Variants in SAMD12 observed in about 807,000 individuals in gnomAD.
SAMD12 encodes sterile alpha motif domain-containing protein 12.
SAMD12 carries 9 observed loss-of-function variants against 15.0 expected under a neutral mutation model. The observed-to-expected ratio is 0.60, with a 90% CI of 0.36 to 1.05. The LOEUF is 1.05. SAMD12 is among the 50% of genes least tolerant of loss of function. SAMD12 has a pLI of 0.01. For missense variants in SAMD12, 230 were observed against 234.2 expected (o/e 0.98, Z 0.12); for synonymous variants, 86 against 90.1 (o/e 0.96, Z 0.25).
chr8:118,237,428 C>T (rs1168024366), intron 4 of SAMD12, among the ~76,000 whole-genome samples: 1 of 152,088 alleles, frequency 6.6e-6, no homozygotes, highest in South Asian at 2.1e-4. Context: ...GGAGGAGATT[C>T]GAAGGAGCAA....
chr8:118,272,746 T>A (rs1813395817), intron 4 of SAMD12, among the ~76,000 whole-genome samples: 1 of 152,220 alleles, frequency 6.6e-6, no homozygotes, highest in African/African-American at 2.4e-5. Context: ...GAGTCATCTT[T>A]ACTCCTGTTC....
intron 4 of SAMD12, among the ~76,000 whole-genome samples, chr8:118,261,811 A>G (rs1196727687): frequency 2.0e-5 from 3 of 151,992 alleles, no homozygotes; most frequent in Admixed American, 6.6e-5. Context: ...CATTTTATGG[A>G]GCACAGAGCT....
At chr8:118,248,982 T>C (rs752601569) in intron 4 of SAMD12, among the ~76,000 whole-genome samples, 5 of 152,162 alleles carry the variant, frequency 3.3e-5, no homozygotes, top group African/African-American at 1.2e-4. Context: ...TGTAGAGTCA[T>C]TGATCCCCCA....
intron 1 of SAMD12, among the ~76,000 whole-genome samples, chr8:118,601,732 T>C (rs932093002): frequency 2.6e-5 from 4 of 152,144 alleles, no homozygotes; most frequent in Admixed American, 6.5e-5. Context: ...CCTGTTTAGT[T>C]TGGCAGTTGG....
rs1586548915 is a variant in SAMD12 at position 118,333,970 on chromosome 8, T to G, written c.433+45590A>C. Among the ~76,000 whole-genome samples the G allele has an allele frequency of 2.0e-5, 3 of 147,266 alleles. 1 individual carries two copies. Among genetic ancestry groups the G allele is most frequent in the Admixed American group, 6.9e-5 (1 of 14,598 alleles). ...TGTGCACATTGGCGGGGGGCAGGGG[T>G]GTGTCTGTGTGTGTGTGTGTGTGTG... On this transcript the variant is annotated intron_variant, in intron 4 of 4. Transcript: ENST00000409003.
chr8:118,563,383 T>A (rs1826761418), intron 2 of SAMD12, among the ~76,000 whole-genome samples: 2 of 152,242 alleles, frequency 1.3e-5, no homozygotes, highest in Admixed American at 1.3e-4. Flanking sequence ...CATTCCATTG[T>A]CAGCAGGAGC....
intron 1 of SAMD12, among the ~76,000 whole-genome samples, chr8:118,608,220 T>C (rs1013981368): frequency 6.6e-6 from 1 of 151,764 alleles, no homozygotes; most frequent in Non-Finnish European, 1.5e-5. Context: ...TTAGAATGCC[T>C]TTTACTGCTT....
chr8:118,191,758 A>ACTCTC (rs1563686316), exon 5 of SAMD12: 2 of 6,452 alleles, frequency 3.1e-4, no homozygotes, highest in African/African-American at 1.1e-3. Flanking sequence ...ACTGGAGATT[A>ACTCTC]TATATATATA....
intron 2 of SAMD12, among the ~76,000 whole-genome samples, chr8:118,441,767 T>C (rs1822770823): frequency 6.6e-6 from 1 of 152,174 alleles, no homozygotes; most frequent in East Asian, 1.9e-4. Flanking sequence ...CTGACCAATG[T>C]AGTACAGTGG....
chr8:118,442,157 T>A (rs1266375839), intron 2 of SAMD12, among the ~76,000 whole-genome samples: 1 of 152,206 alleles, frequency 6.6e-6, no homozygotes, highest in Non-Finnish European at 1.5e-5. Flanking sequence ...GGGTAAATTG[T>A]TTTGCAATCC....
At chr8:118,529,306 AG>A (rs1228953026) in intron 2 of SAMD12, among the ~76,000 whole-genome samples, 2 of 152,226 alleles carry the variant, frequency 1.3e-5, no homozygotes, top group Non-Finnish European at 2.9e-5. Flanking sequence ...TATCCTGGCC[AG>A]CACCAGAAAT....
the SAMD12 span, among the ~76,000 whole-genome samples, chr8:118,180,664 C>A: frequency 1.2e-4 from 18 of 151,984 alleles, no homozygotes; most frequent in African/African-American, 4.1e-4. Context: ...CCTCCGCCTC[C>A]CAGGCTCAAG....
chr8:118,175,271 A>G, the SAMD12 span, among the ~76,000 whole-genome samples: 1 of 152,194 alleles, frequency 6.6e-6, no homozygotes, highest in African/African-American at 2.4e-5. Context: ...TGGTGCTGGC[A>G]TAAGTATAAC....
intron 2 of SAMD12, among the ~76,000 whole-genome samples, chr8:118,479,482 GATTT>G (rs1824059786): frequency 1.3e-5 from 2 of 152,126 alleles, no homozygotes; most frequent in African/African-American, 4.8e-5. Context: ...GGTCTTGTGA[GATTT>G]ATTCACTACC....
At chr8:118,138,482 T>C in the SAMD12 span, among the ~76,000 whole-genome samples, 5 of 152,196 alleles carry the variant, frequency 3.3e-5, no homozygotes, top group Admixed American at 1.3e-4. Context: ...ACTCCCACCA[T>C]GTGAGGACAC....
At chr8:118,512,931 A>G (rs1825126540) in intron 2 of SAMD12, among the ~76,000 whole-genome samples, 1 of 152,246 alleles carries the variant, frequency 6.6e-6, no homozygotes, top group Admixed American at 6.5e-5. Context: ...TATATCAAGT[A>G]ACGCATGTGA....
At chr8:118,213,408 AG>A (rs1200037819) in intron 4 of SAMD12, among the ~76,000 whole-genome samples, 3 of 152,190 alleles carry the variant, frequency 2.0e-5, no homozygotes, top group African/African-American at 7.2e-5. Context: ...GCCCACATGG[AG>A]GGCAACTGAG....
intron 4 of SAMD12, among the ~76,000 whole-genome samples, chr8:118,327,386 T>A (rs1396948997): frequency 6.6e-6 from 1 of 152,204 alleles, no homozygotes; most frequent in Non-Finnish European, 1.5e-5. Context: ...ATCTGACTCA[T>A]CTGTCTTTGT....
chr8:118,291,241 C>G (rs1183649336), intron 4 of SAMD12: 1 of 152,160 alleles, frequency 6.6e-6, no homozygotes, highest in East Asian at 1.9e-4. Context: ...AAACCCTCAA[C>G]TTCTTTCATT....
Sources: gnomAD v4.1 joint callset for allele counts (sites outside exome capture counted in the v4.1 genomes callset) on GRCh38, gnomAD v4.1.1 for gene constraint, MANE v1.5 for transcripts, NCBI Gene and HGNC (gene_info 2026-07-23, HGNC 2026-07-21) for gene names.